The following LRRC8C variants were observed in gnomAD, a reference collection of about 807,000 sequenced individuals.
LRRC8C encodes volume-regulated anion channel subunit LRRC8C.
A neutral mutation model predicts 55.3 loss-of-function variants in LRRC8C; 20 were observed. The observed-to-expected ratio is 0.36, with a 90% confidence interval of 0.25 to 0.53. LRRC8C has a LOEUF of 0.53. Ranked by LOEUF, LRRC8C falls within the 20% of genes least tolerant of loss-of-function variation. The pLI is 0.92. For synonymous variants in LRRC8C, 376 were observed against 360.7 expected (o/e 1.04, Z -0.48); for missense variants, 659 against 951.4 (o/e 0.69, Z 4.04).
At chr1:89,650,318 C>T (rs1369353394) in intron 1 of LRRC8C, among the ~76,000 whole-genome samples, 1 of 152,048 alleles carries the variant, frequency 6.6e-6, no homozygotes, top group Admixed American at 6.6e-5. Flanking sequence ...AGCAGGATGG[C>T]AAAACTGGTG....
chr1:89,630,104 G>C (rs1298506384), upstream of LRRC8C, among the ~76,000 whole-genome samples: 2 of 151,946 alleles, frequency 1.3e-5, no homozygotes, highest in Non-Finnish European at 2.9e-5. Context: ...CTGGAAGGCG[G>C]AAGTTGCAGT....
At chr1:89,691,644 A>T (rs1658030328) in intron 2 of LRRC8C, among the ~76,000 whole-genome samples, 1 of 152,204 alleles carries the variant, frequency 6.6e-6, no homozygotes, top group African/African-American at 2.4e-5. Context: ...TCAGATGAGA[A>T]TTCCAAAGTG....
intron 2 of LRRC8C, among the ~76,000 whole-genome samples, chr1:89,698,896 G>A (rs947812652): frequency 2.5e-4 from 38 of 151,892 alleles, no homozygotes; most frequent in African/African-American, 9.2e-4. Context: ...TGTACAGTGT[G>A]TTATTTCCTG....
At chr1:89,702,225 A>T (rs1223867175) in intron 2 of LRRC8C, among the ~76,000 whole-genome samples, 1 of 152,150 alleles carries the variant, frequency 6.6e-6, no homozygotes, top group Non-Finnish European at 1.5e-5. Context: ...GCAGAAAACC[A>T]CAAAAGTACA....
chr1:89,652,727 G>A (rs1261526872), intron 1 of LRRC8C, among the ~76,000 whole-genome samples: 1 of 152,138 alleles, frequency 6.6e-6, no homozygotes, highest in African/African-American at 2.4e-5. Context: ...TGTCCCAGAG[G>A]ACTTACTCTA....
rs146393659 is a variant in LRRC8C at position 89,681,062 on chromosome 1, T to G, written c.-4-5408T>G. On this transcript the variant is annotated intron_variant, in intron 1 of 2. Coordinates refer to ENST00000370454, the MANE Select transcript of LRRC8C (RefSeq NM_032270.5). Reference sequence around the variant, plus strand: ...TTGAAAATCAAGGTTGGAGGAAATATAAAATAGAAAAATGTTTAACTAGAA... The same window carrying G: ...TTGAAAATCAAGGTTGGAGGAAATAGAAAATAGAAAAATGTTTAACTAGAA... Among the ~76,000 whole-genome samples, 539 of 152,320 alleles carry G rather than the reference T, an allele frequency of 3.5e-3. 4 individuals are homozygous for G. The highest frequency in any genetic ancestry group is 0.011 in the African/African-American group (468 of 41,572).
intron 1 of LRRC8C, among the ~76,000 whole-genome samples, chr1:89,669,828 C>G (rs1657368060): frequency 6.6e-6 from 1 of 152,038 alleles, no homozygotes; most frequent in African/African-American, 2.4e-5. Flanking sequence ...CATTTATTGC[C>G]TTAATAACCA....
chr1:89,709,723 T>C (rs1418950640), intron 2 of LRRC8C, among the ~76,000 whole-genome samples: 1 of 150,190 alleles, frequency 6.7e-6, no homozygotes, highest in Non-Finnish European at 1.5e-5. Flanking sequence ...TTTTGTTTTG[T>C]TTTGTTTTTT....
chr1:89,629,579 TATA>T (rs1656054520), upstream of LRRC8C: 1 of 152,232 alleles, frequency 6.6e-6, no homozygotes, highest in Admixed American at 6.5e-5. Context: ...GAGCCTGTAG[TATA>T]ATAAGAGTTA....
At chr1:89,711,910 T>C (rs140346164) in intron 2 of LRRC8C, among the ~76,000 whole-genome samples, 1 of 152,218 alleles carries the variant, frequency 6.6e-6, no homozygotes, top group South Asian at 2.1e-4. Flanking sequence ...TTCATATTGA[T>C]CTATACATAC....
In LRRC8C at chr1:89,713,806, T is replaced by A; in HGVS notation, c.1236T>A (p.Asp412Glu). The change falls in exon 3 of 3, where the codon GAT becomes GAA. Residue 412 changes from aspartate (D) to glutamate (E), a missense_variant. Asp to Glu is a conservative substitution (Grantham distance 45). Around this residue, in one of 5 missense-constraint regions of LRRC8C, gnomAD observed 344 missense variants for 464.6 expected, o/e 0.74. Coordinates refer to ENST00000370454, the MANE Select transcript of LRRC8C (RefSeq NM_032270.5). The surrounding 1 kb of genome is among the most constrained non-coding windows in gnomAD (Gnocchi z 5.2). ...QLNLNNEWTPDKLRQKLQTNA... is the reference protein window; with the variant it reads ...QLNLNNEWTPEKLRQKLQTNA... ...ACTTAAATAACGAATGGACTCCTGA[T>A]AAACTGAGGCAGAAGCTACAGACAA... is the stretch of plus-strand genomic sequence containing the variant. The A allele has an allele frequency of 2.5e-6, 4 of 1,614,176 alleles. No individual in the cohort carries two copies. The highest frequency in any genetic ancestry group is 3.4e-6 in the Non-Finnish European group (4 of 1,180,032).
chr1:89,641,444 C>G (rs1021997426), intron 1 of LRRC8C, among the ~76,000 whole-genome samples: 1 of 152,154 alleles, frequency 6.6e-6, no homozygotes, highest in Non-Finnish European at 1.5e-5. Flanking sequence ...AAGTGTTTCC[C>G]TATTAAACTT....
chr1:89,626,119 G>A, the LRRC8C span: 7 of 152,208 alleles, frequency 4.6e-5, no homozygotes, highest in Non-Finnish European at 8.8e-5. Context: ...AACAGTAGCT[G>A]CAGGTGCCAA....
chr1:89,706,280 T>C (rs1415158514), intron 2 of LRRC8C: 5 of 456,026 alleles, frequency 1.1e-5, no homozygotes, highest in South Asian at 1.5e-5. Flanking sequence ...TGCCTTCGTT[T>C]ATATGTTCTT....
chr1:89,644,118 C>G (rs1656546786), intron 1 of LRRC8C, among the ~76,000 whole-genome samples: 1 of 152,204 alleles, frequency 6.6e-6, no homozygotes, highest in Non-Finnish European at 1.5e-5. Context: ...TCAATTAACT[C>G]TTGAGTTTAT....
rs1448157423 is a variant in LRRC8C at position 89,701,779 on chromosome 1, T to G, written c.139-10930T>G. Among the ~76,000 whole-genome samples the G allele has an allele frequency of 2.6e-5, 4 of 152,114 alleles. No homozygotes were observed. The East Asian group carries it at 7.7e-4, about 29-fold the overall frequency. On this transcript the variant is annotated intron_variant, in intron 2 of 2. Transcript: ENST00000370454. ...TCAATGTGTATAGTCATGATAGATA[T>G]AAAAAGATAACAAAAATGCATACAC...
At chr1:89,676,678 T>C (rs1321637859) in intron 1 of LRRC8C, among the ~76,000 whole-genome samples, 2 of 152,336 alleles carry the variant, frequency 1.3e-5, no homozygotes, top group East Asian at 3.9e-4. Context: ...TTCTTGAAGA[T>C]ACAGAGATGA....
At chr1:89,681,019 A>C in intron 1 of LRRC8C, among the ~76,000 whole-genome samples, 1 of 152,392 alleles carries the variant, frequency 6.6e-6, no homozygotes, top group East Asian at 1.9e-4. Context: ...AAGATAAATT[A>C]AAATCCTTTG....
the LRRC8C span, among the ~76,000 whole-genome samples, chr1:89,624,209 T>C: frequency 6.6e-6 from 1 of 152,212 alleles, no homozygotes; most frequent in Non-Finnish European, 1.5e-5. Flanking sequence ...ACATTATCTT[T>C]ATTATACTGG....
Sources: gnomAD v4.1 joint callset for allele counts (sites outside exome capture counted in the v4.1 genomes callset) on GRCh38, gnomAD v4.1.1 for gene constraint, gnomAD v4.1.1 regional missense constraint, Gnocchi (gnomAD v3.1) non-coding constraint, MANE v1.5 for transcripts, NCBI Gene and HGNC (gene_info 2026-07-23, HGNC 2026-07-21) for gene names.